The following MEMO1 variants were observed in gnomAD, a reference collection of about 807,000 sequenced individuals.
MEMO1 encodes the protein mediator of cell motility 1.
Under a neutral mutation model 45.2 loss-of-function variants are expected in MEMO1, and 6 were observed. That is an observed-to-expected ratio of 0.13 (90% CI 0.07 to 0.26). MEMO1 has a LOEUF of 0.26. Ranked by LOEUF, MEMO1 falls within the 10% of genes least tolerant of loss-of-function variation. MEMO1 has a pLI of 1.00. For missense variants in MEMO1, 184 were observed against 370.5 expected (o/e 0.50, Z 4.13); for synonymous variants, 78 against 124.3 (o/e 0.63, Z 2.48).
rs1308880769 is a variant in MEMO1, at chr2:31,931,828, T to G, written c.212+239A>C. Among the ~76,000 whole-genome samples the G allele has an allele frequency of 3.9e-5, 6 of 152,100 alleles. No homozygotes were observed. The East Asian group carries it at 1.2e-3, about 29-fold the overall frequency. On this transcript the variant is annotated intron_variant, in intron 4 of 9. Coordinates refer to ENST00000404530, the MANE Select transcript of MEMO1 (RefSeq NM_001301833.4). Reference sequence around the variant, plus strand: ...ATATCAAAAAACAAAATATTTAACCTTCATAACTAAACATTTTACATGCCA... The same window carrying G: ...ATATCAAAAAACAAAATATTTAACCGTCATAACTAAACATTTTACATGCCA...
intron 7 of MEMO1, among the ~76,000 whole-genome samples, chr2:31,891,045 T>C (rs748238921): frequency 2.2e-4 from 33 of 152,194 alleles, no homozygotes; most frequent in Non-Finnish European, 4.7e-4. Flanking sequence ...CAGATAAATG[T>C]TGAATCAATT....
At chr2:31,961,948 A>G (rs1453733255) in intron 2 of MEMO1, among the ~76,000 whole-genome samples, 1 of 152,154 alleles carries the variant, frequency 6.6e-6, no homozygotes, top group Non-Finnish European at 1.5e-5. Context: ...CTCCCACTAT[A>G]GCATGCTGAC....
rs532705431 is a variant in MEMO1, at chr2:31,882,587, A to G, written c.657+799T>C. Among the ~76,000 whole-genome samples, 164 of 152,310 alleles carry G rather than the reference A, an allele frequency of 1.1e-3. 1 individual carries two copies. The highest frequency in any genetic ancestry group is 3.9e-3 in the African/African-American group (162 of 41,588). ...AAACTGCTGGTCCAAGGAAATAATA[A>G]AAATAAATTAACAAAACAAAACAAA... On this transcript the variant is annotated intron_variant, in intron 8 of 9. Coordinates refer to ENST00000404530, the MANE Select transcript of MEMO1 (RefSeq NM_001301833.4).
chr2:31,869,457 A>T (rs2147862273), intron 9 of MEMO1, among the ~76,000 whole-genome samples: 1 of 152,234 alleles, frequency 6.6e-6, no homozygotes, highest in Non-Finnish European at 1.5e-5. Context: ...CATTATGAAC[A>T]TTTAAAGTTT....
intron 2 of MEMO1, among the ~76,000 whole-genome samples, chr2:31,984,837 G>A (rs1001726588): frequency 2.6e-5 from 4 of 151,990 alleles, no homozygotes; most frequent in African/African-American, 7.2e-5. Flanking sequence ...AGGAAAGAAA[G>A]GACATTAGTG....
At chr2:31,934,249 T>C (rs1257808492) in intron 3 of MEMO1, among the ~76,000 whole-genome samples, 3 of 152,274 alleles carry the variant, frequency 2.0e-5, no homozygotes, top group East Asian at 1.9e-4. Context: ...TTTCAGACTT[T>C]AGCTCCTCTT....
intron 8 of MEMO1, among the ~76,000 whole-genome samples, chr2:31,876,922 C>T (rs1674654532): frequency 6.6e-6 from 1 of 152,228 alleles, no homozygotes; most frequent in African/African-American, 2.4e-5. Flanking sequence ...CATAGTTTCT[C>T]ATCTGGACTA....
intron 6 of MEMO1, among the ~76,000 whole-genome samples, chr2:31,913,668 T>C (rs1246180685): frequency 6.6e-6 from 1 of 152,104 alleles, no homozygotes; most frequent in Non-Finnish European, 1.5e-5. Context: ...ACTGAAATCT[T>C]TTTGTGTACC....
Position 31,989,159 on chromosome 2 carries a change from C to T in MEMO1, c.61+21028G>A, listed in dbSNP as rs150444004. 7.0e-4 allele frequency among the ~76,000 whole-genome samples: 105 copies of T among 150,366 alleles called. 3 individuals are homozygous for T. The East Asian group carries it at 0.019, about 27-fold the overall frequency. On this transcript the variant is annotated intron_variant, in intron 2 of 9. Coordinates refer to ENST00000404530, the MANE Select transcript of MEMO1 (RefSeq NM_001301833.4). ...AGGCAGAGGTTGCGGTGAGCCGAGC[C>T]AAAGGCTGCGGTGAGCCAAGATCGC...
chr2:31,997,661 C>A (rs1672765970), intron 2 of MEMO1, among the ~76,000 whole-genome samples: 1 of 152,034 alleles, frequency 6.6e-6, no homozygotes, highest in Non-Finnish European at 1.5e-5. Flanking sequence ...CAGCAAGGAG[C>A]CCAGAATGGC....
intron 2 of MEMO1, among the ~76,000 whole-genome samples, chr2:31,988,633 C>T (rs1222626538): frequency 2.0e-5 from 3 of 152,240 alleles, no homozygotes. Flanking sequence ...GTAGTAGTCA[C>T]TACATTCTTC....
At chr2:32,009,051 CT>C (rs1674458938) in intron 2 of MEMO1, among the ~76,000 whole-genome samples, 1 of 152,178 alleles carries the variant, frequency 6.6e-6, no homozygotes, top group Non-Finnish European at 1.5e-5. Flanking sequence ...CACAGTAGAA[CT>C]GTCTTTGTTA....
At chr2:31,912,037 T>C (rs1680644508) in intron 6 of MEMO1, among the ~76,000 whole-genome samples, 1 of 152,076 alleles carries the variant, frequency 6.6e-6, no homozygotes, top group African/African-American at 2.4e-5. Context: ...AGAGCAATTA[T>C]AAAAAGCAAT....
intron 2 of MEMO1, chr2:31,963,198 G>A: frequency 7.8e-6 from 12 of 1,546,928 alleles, no homozygotes; most frequent in Non-Finnish European, 1.0e-5. Flanking sequence ...TCTCCAGCTT[G>A]CTGACTGCAC....
chr2:31,981,996 TTACAAA>T (rs1486037312), intron 2 of MEMO1, among the ~76,000 whole-genome samples: 3 of 152,188 alleles, frequency 2.0e-5, no homozygotes, highest in Non-Finnish European at 4.4e-5. Flanking sequence ...TCTAACAGTA[TTACAAA>T]TACAAGATAC....
intron 2 of MEMO1, among the ~76,000 whole-genome samples, chr2:32,003,048 A>C (rs1055395753): frequency 2.6e-5 from 4 of 152,204 alleles, no homozygotes; most frequent in African/African-American, 9.6e-5. Context: ...AGTCTTTCCA[A>C]AGAGAAATAT....
intron 2 of MEMO1, among the ~76,000 whole-genome samples, chr2:31,977,191 G>GA (rs1200157448): frequency 6.6e-6 from 1 of 152,112 alleles, no homozygotes; most frequent in Non-Finnish European, 1.5e-5. Context: ...TTCAGTTCAT[G>GA]AAACAAAAAC....
Position 31,934,156 on chromosome 2 carries a change from T to C in MEMO1, c.144-2021A>G, listed in dbSNP as rs372606537. ...AGATGTTCAACACTCCCTAGAAATT[T>C]TGCTCTCAGTTGTCACTCATATACC... On this transcript the variant is annotated intron_variant, in intron 3 of 9. Coordinates refer to ENST00000404530, the MANE Select transcript of MEMO1 (RefSeq NM_001301833.4). 3.5e-4 allele frequency among the ~76,000 whole-genome samples: 53 copies of C among 152,240 alleles called. No individual in the cohort carries two copies. The South Asian group carries it at 8.3e-3, about 24-fold the overall frequency.
intron 4 of MEMO1, chr2:31,923,674 TG>T: frequency 6.5e-7 from 1 of 1,547,836 alleles, no homozygotes; most frequent in Non-Finnish European, 8.7e-7. Flanking sequence ...TTTTTCTGAT[TG>T]AGGAAAATAT....
Sources: gnomAD v4.1 joint callset for allele counts (sites outside exome capture counted in the v4.1 genomes callset) on GRCh38, gnomAD v4.1.1 for gene constraint, MANE v1.5 for transcripts, NCBI Gene and HGNC (gene_info 2026-07-23, HGNC 2026-07-21) for gene names.